The following LGSN variants were observed in gnomAD, a reference collection of about 807,000 sequenced individuals.
The protein encoded by LGSN is lengsin, lens protein with glutamine synthetase domain.
In LGSN, 21 loss-of-function variants were observed where a neutral mutation model predicts 19.5. The observed-to-expected ratio is 1.07, with a 90% confidence interval of 0.76 to 1.55. The LOEUF (loss-of-function observed/expected upper bound fraction) is 1.55. Ranked by LOEUF, LGSN falls within the 40% of genes most tolerant of loss-of-function variation. LGSN has a pLI of 0.00. For synonymous variants in LGSN, 257 were observed against 215.6 expected (o/e 1.19, Z -1.68); for missense variants, 673 against 608.5 (o/e 1.11, Z -1.12).
At chr6:63,462,405 G>A in the LGSN span, among the ~76,000 whole-genome samples, 1 of 152,154 alleles carries the variant, frequency 6.6e-6, no homozygotes, top group Non-Finnish European at 1.5e-5. Flanking sequence ...GGCCAAGGCA[G>A]GTGGATCACC....
At chr6:63,414,348 G>A in the LGSN span, among the ~76,000 whole-genome samples, 3 of 151,904 alleles carry the variant, frequency 2.0e-5, no homozygotes, top group East Asian at 3.9e-4. Flanking sequence ...AGAACCTGTC[G>A]TTCAATAAGT....
At chr6:63,376,230 T>C in the LGSN span, among the ~76,000 whole-genome samples, 1 of 152,178 alleles carries the variant, frequency 6.6e-6, no homozygotes, top group African/African-American at 2.4e-5. Context: ...AGAAAAAGCT[T>C]TCTATTTCTT....
chr6:63,486,934 C>G, the LGSN span, among the ~76,000 whole-genome samples: 1 of 151,832 alleles, frequency 6.6e-6, no homozygotes, highest in Non-Finnish European at 1.5e-5. Context: ...CTCCCGGGTT[C>G]CAGTGATTCT....
At chr6:63,552,793 A>T in the LGSN span, among the ~76,000 whole-genome samples, 2 of 151,994 alleles carry the variant, frequency 1.3e-5, no homozygotes, top group East Asian at 1.9e-4. Context: ...AAATAGGGAA[A>T]CCTTTCCCCA....
intron 1 of LGSN, among the ~76,000 whole-genome samples, chr6:63,306,206 T>C (rs1386856763): frequency 6.6e-6 from 1 of 152,202 alleles, no homozygotes; most frequent in Admixed American, 6.5e-5. Context: ...CCTACATTTT[T>C]TCCAAAGCAG....
At chr6:63,355,989 C>T in the LGSN span, among the ~76,000 whole-genome samples, 7 of 152,090 alleles carry the variant, frequency 4.6e-5, no homozygotes, top group Admixed American at 4.6e-4. Flanking sequence ...AGTACTCTGT[C>T]TTCACATGGT....
the LGSN span, among the ~76,000 whole-genome samples, chr6:63,399,615 C>T: frequency 6.6e-6 from 1 of 151,816 alleles, no homozygotes; most frequent in African/African-American, 2.4e-5. Context: ...AGGCTGATCT[C>T]GAACTCCTGA....
the LGSN span, among the ~76,000 whole-genome samples, chr6:63,412,988 A>G: frequency 2.0e-5 from 3 of 152,260 alleles, no homozygotes; most frequent in East Asian, 5.8e-4. Flanking sequence ...GGCAAGTTAG[A>G]AAGAAGAAAT....
At chr6:63,570,563 T>C in the LGSN span, among the ~76,000 whole-genome samples, 4 of 152,210 alleles carry the variant, frequency 2.6e-5, no homozygotes, top group African/African-American at 4.8e-5. Flanking sequence ...ATCACAAGGC[T>C]CACAACTTGT....
chr6:63,502,449 A>G, the LGSN span, among the ~76,000 whole-genome samples: 4 of 152,232 alleles, frequency 2.6e-5, no homozygotes, highest in Non-Finnish European at 5.9e-5. Flanking sequence ...TTCTGTGAGA[A>G]TGAACAGGGA....
chr6:63,359,654 G>C, the LGSN span, among the ~76,000 whole-genome samples: 5 of 152,270 alleles, frequency 3.3e-5, no homozygotes, highest in East Asian at 9.7e-4. Flanking sequence ...ATGGTAGTTT[G>C]TATTTCTGTG....
the LGSN span, among the ~76,000 whole-genome samples, chr6:63,394,782 C>A: frequency 3.3e-5 from 5 of 152,210 alleles, no homozygotes; most frequent in Admixed American, 6.5e-5. Flanking sequence ...CAGCCACTGC[C>A]CCTGCCCAGG....
At chr6:63,493,659 A>G in the LGSN span, among the ~76,000 whole-genome samples, 57 of 152,264 alleles carry the variant, frequency 3.7e-4, no homozygotes, top group African/African-American at 1.3e-3. Flanking sequence ...TCCCAGTACC[A>G]TGACTATAGA....
At chr6:63,412,681 GAA>G in the LGSN span, among the ~76,000 whole-genome samples, 4,521 of 121,130 alleles carry the variant, frequency 0.037, 266 homozygotes, top group African/African-American at 0.092. Context: ...AAGGAAGAAA[GAA>G]AGAAAGAGAA....
At chr6:63,357,051 A>G in the LGSN span, among the ~76,000 whole-genome samples, 2 of 133,112 alleles carry the variant, frequency 1.5e-5, no homozygotes, top group Non-Finnish European at 1.5e-5. Flanking sequence ...CTCATTGTTC[A>G]ATTCCCACCT....
At chr6:63,560,586 T>TA in the LGSN span, among the ~76,000 whole-genome samples, 1 of 151,738 alleles carries the variant, frequency 6.6e-6, no homozygotes, top group African/African-American at 2.4e-5. Flanking sequence ...TTTTTTTAAG[T>TA]AAAGATGGGT....
At chr6:63,367,211 C>A in the LGSN span, among the ~76,000 whole-genome samples, 1 of 152,134 alleles carries the variant, frequency 6.6e-6, no homozygotes, top group East Asian at 1.9e-4. Flanking sequence ...GGCTAATATC[C>A]AGAATCTACA....
rs985251571 is a variant in LGSN, at chr6:63,276,152, T to C, written c.*3869A>G. Reference sequence around the variant, plus strand: ...TAAAGGTATTGTCCAGTCATACCTATATCATAAACATATTGGTGAGTGTAT... The same window carrying C: ...TAAAGGTATTGTCCAGTCATACCTACATCATAAACATATTGGTGAGTGTAT... On this transcript the variant is annotated 3_prime_UTR_variant, in exon 4 of 4. Coordinates refer to ENST00000370657, the MANE Select transcript of LGSN (RefSeq NM_016571.3). 2.0e-5 allele frequency: 3 copies of C among 152,232 alleles called. No individual in the cohort carries two copies. The highest frequency in any genetic ancestry group is 2.9e-5 in the Non-Finnish European group (2 of 68,042). The allele number at this position is 152,232 out of a possible 1,614,324, so 9.4% of individuals were successfully genotyped here.
At chr6:63,485,102 A>T in the LGSN span, among the ~76,000 whole-genome samples, 2 of 151,586 alleles carry the variant, frequency 1.3e-5, no homozygotes, top group Admixed American at 6.6e-5. Flanking sequence ...AACTTGTATC[A>T]TGGGGGGTTG....
Sources: allele counts gnomAD v4.1 joint callset (sites outside exome capture counted in the v4.1 genomes callset), GRCh38; gene constraint gnomAD v4.1.1; transcripts MANE v1.5; gene names NCBI Gene and HGNC (gene_info 2026-07-23, HGNC 2026-07-21).